The following SSBP2 variants were observed in gnomAD, a reference collection of about 807,000 sequenced individuals.
SSBP2 encodes the protein single-stranded DNA-binding protein 2.
In SSBP2, 17 loss-of-function variants were observed where a neutral mutation model predicts 61.8. The observed-to-expected ratio is 0.28, with a 90% CI of 0.19 to 0.41. SSBP2 has a LOEUF of 0.41. Ranked by LOEUF, SSBP2 falls within the 10% of genes least tolerant of loss-of-function variation. SSBP2 has a pLI of 1.00. For missense variants in SSBP2, 310 were observed against 458.7 expected (o/e 0.68, Z 2.96); for synonymous variants, 139 against 141.3 (o/e 0.98, Z 0.12).
At chr5:81,478,407 C>A (rs6894847) in intron 6 of SSBP2, among the ~76,000 whole-genome samples, 42,404 of 151,992 alleles carry the variant, frequency 0.28, 6,364 homozygotes, top group African/African-American at 0.35. Context: ...GTGGTGCAAT[C>A]TCACCTCACT....
intron 2 of SSBP2, among the ~76,000 whole-genome samples, chr5:81,640,213 G>A (rs1360036350): frequency 2.6e-5 from 4 of 152,046 alleles, no homozygotes; most frequent in Non-Finnish European, 4.4e-5. Flanking sequence ...GGTGGTGTGC[G>A]CCTGTAGTCC....
intron 1 of SSBP2, among the ~76,000 whole-genome samples, chr5:81,739,850 T>C (rs1756889764): frequency 6.6e-6 from 1 of 152,224 alleles, no homozygotes; most frequent in Admixed American, 6.5e-5. Flanking sequence ...TTCTATATGA[T>C]TCCATACAAT....
intron 4 of SSBP2, among the ~76,000 whole-genome samples, chr5:81,514,342 G>GA (rs1006508542): frequency 1.1e-4 from 16 of 149,030 alleles, no homozygotes; most frequent in South Asian, 2.1e-4. Context: ...TACAAATTAT[G>GA]AAAAAAAAAA....
At chr5:81,654,745 A>G (rs893566859) in intron 1 of SSBP2, among the ~76,000 whole-genome samples, 1 of 152,206 alleles carries the variant, frequency 6.6e-6, no homozygotes, top group Admixed American at 6.5e-5. Context: ...TTGAACACAA[A>G]TGATTCCGGC....
rs1163403907 is a variant in SSBP2 at position 81,413,125 on chromosome 5, T to C, written c.*7379A>G. 1 of 152,230 alleles carries C rather than the reference T, an allele frequency of 6.6e-6. No homozygotes were observed. The highest frequency in any genetic ancestry group is 6.5e-5 in the Admixed American group (1 of 15,286). The allele number at this position is 152,230 out of a possible 1,614,324, so 9.4% of individuals were successfully genotyped here. ...GAAATGAAAGGGTAGGAACTGTATATGAAAAGCTGTATTTTAAAAAATTAA... is the reference window on the plus strand; with the variant it reads ...GAAATGAAAGGGTAGGAACTGTATACGAAAAGCTGTATTTTAAAAAATTAA... On this transcript the variant is annotated 3_prime_UTR_variant, in exon 17 of 17. Transcript: ENST00000320672.
chr5:81,610,175 G>A (rs1309098615), intron 4 of SSBP2, among the ~76,000 whole-genome samples: 2 of 152,132 alleles, frequency 1.3e-5, no homozygotes, highest in African/African-American at 4.8e-5. Context: ...TGCTTCCTGC[G>A]GCAGGCAGCA....
chr5:81,547,059 T>TAAAAAAAAAAA (rs1771789270), intron 4 of SSBP2, among the ~76,000 whole-genome samples: 2 of 32,028 alleles, frequency 6.2e-5, no homozygotes, highest in African/African-American at 2.5e-4. Context: ...AAAAAAAAAG[T>TAAAAAAAAAAA]CTATCAAGAA....
rs544216345 is a variant in SSBP2, at chr5:81,547,910, G to A, written c.283-34193C>T. Reference sequence around the variant, plus strand: ...AATCAACAGTTGCCAATAGTTGGAGGAAGGGAAGGATGAAAAGATAGGACA... The same window carrying A: ...AATCAACAGTTGCCAATAGTTGGAGAAAGGGAAGGATGAAAAGATAGGACA... On this transcript the variant is annotated intron_variant, in intron 4 of 16. Coordinates refer to ENST00000320672, the MANE Select transcript of SSBP2 (RefSeq NM_012446.5). Among the ~76,000 whole-genome samples the A allele has an allele frequency of 2.0e-5, 3 of 152,292 alleles. No homozygotes were observed. In the South Asian group the frequency reaches 6.2e-4, roughly 32 times the overall value.
At chr5:81,547,472 T>C (rs1771826054) in intron 4 of SSBP2, among the ~76,000 whole-genome samples, 1 of 52,286 alleles carries the variant, frequency 1.9e-5, no homozygotes, top group African/African-American at 9.7e-4. Context: ...GAGAAAACAT[T>C]TTTTTTTTCT....
rs771333161 is a variant in SSBP2, at chr5:81,547,000, T to C, written c.283-33283A>G. 4.5e-5 allele frequency among the ~76,000 whole-genome samples: 6 copies of C among 133,428 alleles called. No homozygotes were observed. In the South Asian group the frequency reaches 1.4e-3, roughly 31 times the overall value. 87.5% of individuals were successfully genotyped at this position (133,428 alleles called of 152,430 possible). A position where few individuals can be genotyped will look rare whatever the true frequency, so the allele number is the denominator to read the frequency against. ...TTTCACCAAGACTAATCATCATTCA[T>C]AGTTTGGGTTTTTATAGTAAAGGGC... On this transcript the variant is annotated intron_variant, in intron 4 of 16. Transcript: ENST00000320672.
At chr5:81,643,558 T>TA (rs1377439003) in intron 2 of SSBP2, among the ~76,000 whole-genome samples, 1 of 150,712 alleles carries the variant, frequency 6.6e-6, no homozygotes, top group African/African-American at 2.4e-5. Context: ...AAACCAAATG[T>TA]AAAAAAAGTT....
intron 1 of SSBP2, among the ~76,000 whole-genome samples, chr5:81,705,530 G>A (rs1754311100): frequency 6.6e-6 from 1 of 151,958 alleles, no homozygotes; most frequent in Non-Finnish European, 1.5e-5. Context: ...ATATACTTTA[G>A]GATAAAGAGC....
At chr5:81,672,931 G>A (rs970929748) in intron 1 of SSBP2, among the ~76,000 whole-genome samples, 15 of 150,754 alleles carry the variant, frequency 9.9e-5, no homozygotes, top group Non-Finnish European at 1.8e-4. Flanking sequence ...CTGCCTCCCA[G>A]GATAAAGCGA....
chr5:81,694,756 C>G (rs1753476164), intron 1 of SSBP2, among the ~76,000 whole-genome samples: 1 of 152,158 alleles, frequency 6.6e-6, no homozygotes, highest in Non-Finnish European at 1.5e-5. Flanking sequence ...GGAGGGATCA[C>G]TTGAAGCCGG....
intron 4 of SSBP2, among the ~76,000 whole-genome samples, chr5:81,544,469 G>A (rs897109275): frequency 1.3e-5 from 2 of 152,150 alleles, no homozygotes; most frequent in African/African-American, 4.8e-5. Flanking sequence ...AAATGAGCAG[G>A]TGTGTCTCTT....
At position 81,626,332 on chromosome 5, in the gene SSBP2, C is replaced by T. The variant is rs79496701; in HGVS notation, c.197+10225G>A. ...TACAAGCATCATATACGAAGTATCA[C>T]ATATTCAACATCTAATCCTTCTAAT... On this transcript the variant is annotated intron_variant, in intron 3 of 16. Transcript: ENST00000320672. Among the ~76,000 whole-genome samples the T allele has an allele frequency of 6.1e-3, 932 of 152,308 alleles. 6 individuals carry two copies. The highest frequency in any genetic ancestry group is 0.021 in the African/African-American group (868 of 41,578).
rs1257345665 is a variant in SSBP2, at chr5:81,595,396, G to A, written c.282+20077C>T. ...TCCAGGACCAGATGGATTCACAGCC[G>A]AGTTCTACCAGAGGTACAAAGAGGA... On this transcript the variant is annotated intron_variant, in intron 4 of 16. Coordinates refer to ENST00000320672, the MANE Select transcript of SSBP2 (RefSeq NM_012446.5). Among the ~76,000 whole-genome samples, 7 of 152,084 alleles carry A rather than the reference G, an allele frequency of 4.6e-5. No individual in the cohort carries two copies. The South Asian group carries it at 8.3e-4, about 18-fold the overall frequency.
intron 4 of SSBP2, among the ~76,000 whole-genome samples, chr5:81,613,241 A>ATATGAATTATATTATGAATTATGAAT (rs1745630951): frequency 6.7e-6 from 1 of 148,738 alleles, no homozygotes; most frequent in African/African-American, 2.4e-5. Flanking sequence ...TAATATTCAT[A>ATATGAATTATATTATGAATTATGAAT]ATGAATTATA....
intron 3 of SSBP2, among the ~76,000 whole-genome samples, chr5:81,619,424 T>C (rs1366509342): frequency 5.1e-5 from 3 of 58,848 alleles, no homozygotes; most frequent in Non-Finnish European, 9.4e-5. Context: ...AATCTCTGAA[T>C]AGACCAATAA....
Sources: gnomAD v4.1 joint callset for allele counts (sites outside exome capture counted in the v4.1 genomes callset) on GRCh38, gnomAD v4.1.1 for gene constraint, MANE v1.5 for transcripts, NCBI Gene and HGNC (gene_info 2026-07-23, HGNC 2026-07-21) for gene names.